Variants in UBAC2 observed in about 807,000 individuals in gnomAD.
The protein encoded by UBAC2 is UBA domain containing 2.
A neutral mutation model predicts 44.0 loss-of-function variants in UBAC2; 26 were observed. The observed-to-expected ratio is 0.59, with a 90% CI of 0.43 to 0.82. The LOEUF is 0.82. Ranked by LOEUF, UBAC2 falls within the 40% of genes least tolerant of loss-of-function variation. UBAC2 has a pLI of 0.00. For synonymous variants in UBAC2, 155 were observed against 154.3 expected (o/e 1.00, Z -0.04); for missense variants, 329 against 419.4 (o/e 0.78, Z 1.88).
At chr13:99,214,986 TG>T (rs1216051310) in intron 1 of UBAC2, among the ~76,000 whole-genome samples, 1 of 151,870 alleles carries the variant, frequency 6.6e-6, no homozygotes, top group East Asian at 1.9e-4. Flanking sequence ...CTTTTCTTTT[TG>T]TTTTTTTTTT....
At chr13:99,276,957 A>C (rs1383603886) in intron 4 of UBAC2, among the ~76,000 whole-genome samples, 5 of 152,174 alleles carry the variant, frequency 3.3e-5, no homozygotes, top group Non-Finnish European at 7.4e-5. Flanking sequence ...ACTTCTGGAA[A>C]GCCCTGGCCC....
intron 4 of UBAC2, among the ~76,000 whole-genome samples, chr13:99,251,040 A>T (rs2043452564): frequency 6.6e-6 from 1 of 152,162 alleles, no homozygotes; most frequent in Non-Finnish European, 1.5e-5. Context: ...GGCATGAGCC[A>T]CCAAGCCTGG....
At chr13:99,286,849 G>T (rs939118559) in intron 4 of UBAC2, among the ~76,000 whole-genome samples, 2 of 152,132 alleles carry the variant, frequency 1.3e-5, no homozygotes, top group Non-Finnish European at 2.9e-5. Context: ...GCCAGTGCGC[G>T]TCCCATTCTC....
At chr13:99,211,485 G>T (rs976101496) in intron 1 of UBAC2, among the ~76,000 whole-genome samples, 1 of 152,154 alleles carries the variant, frequency 6.6e-6, no homozygotes, top group Admixed American at 6.5e-5. Flanking sequence ...TTCAATCAAC[G>T]ACTAATAAGT....
chr13:99,238,687 C>T, intron 2 of UBAC2, 133 bp downstream of exon 2: 1 of 793,246 alleles, frequency 1.3e-6, no homozygotes, highest in Non-Finnish European at 1.7e-6. Context: ...ATTAATATTT[C>T]ATTAAGTAAC....
intron 6 of UBAC2, among the ~76,000 whole-genome samples, chr13:99,332,172 A>C (rs989511607): frequency 6.6e-6 from 1 of 152,150 alleles, no homozygotes; most frequent in Non-Finnish European, 1.5e-5. Context: ...GTTCAGCCAC[A>C]GTTGGCCAAA....
chr13:99,356,486 C>T (rs775386474), intron 7 of UBAC2, among the ~76,000 whole-genome samples: 6 of 152,234 alleles, frequency 3.9e-5, no homozygotes, highest in Non-Finnish European at 8.8e-5. Context: ...GCCTTCTGTT[C>T]TGCCTAGAAG....
At chr13:99,314,344 A>C in intron 5 of UBAC2, 124 bp downstream of exon 5, 1 of 1,132,916 alleles carries the variant, frequency 8.8e-7, no homozygotes, top group Non-Finnish European at 1.2e-6. Flanking sequence ...TCTTGGCTTC[A>C]TGATCTATAT....
chr13:99,253,370 G>C (rs1231171520), intron 4 of UBAC2, among the ~76,000 whole-genome samples: 1 of 151,994 alleles, frequency 6.6e-6, no homozygotes, highest in Admixed American at 6.6e-5. Context: ...TCAGACCTCA[G>C]TTTTTTATAT....
At chr13:99,290,639 C>A (rs2044077142) in intron 4 of UBAC2, among the ~76,000 whole-genome samples, 1 of 149,198 alleles carries the variant, frequency 6.7e-6, no homozygotes, top group Admixed American at 6.8e-5. Context: ...GCAGGTGAAT[C>A]ATTTAAACCC....
chr13:99,367,328 A>T (rs1311328569), intron 7 of UBAC2, among the ~76,000 whole-genome samples: 6 of 152,214 alleles, frequency 3.9e-5, no homozygotes, highest in African/African-American at 1.4e-4. Context: ...AAGGTAGAGC[A>T]GGGGAGCATT....
At chr13:99,223,520 TTGCTC>T (rs1396353032) in intron 1 of UBAC2, among the ~76,000 whole-genome samples, 1 of 149,094 alleles carries the variant, frequency 6.7e-6, no homozygotes, top group African/African-American at 2.5e-5. Context: ...AGGTTTTAAT[TTGCTC>T]TTCTTTCTCT....
chr13:99,329,824 A>C (rs1467783752), intron 6 of UBAC2, among the ~76,000 whole-genome samples: 1 of 152,218 alleles, frequency 6.6e-6, no homozygotes, highest in Non-Finnish European at 1.5e-5. Flanking sequence ...CTTGAGCCAT[A>C]ACCACTCAGC....
At chr13:99,216,834 CT>C (rs11338165) in intron 1 of UBAC2, among the ~76,000 whole-genome samples, 65,202 of 140,476 alleles carry the variant, frequency 0.46, 16,981 homozygotes, top group Non-Finnish European at 0.61. Flanking sequence ...TTTCTTTTTT[CT>C]TTTTTTTTTT....
chr13:99,234,755 AAACAC>A (rs1366514279), intron 1 of UBAC2, among the ~76,000 whole-genome samples: 3 of 152,170 alleles, frequency 2.0e-5, no homozygotes, highest in Non-Finnish European at 4.4e-5. Flanking sequence ...GAAGGCATGA[AAACAC>A]AAAGGTGGAA....
In UBAC2 at chr13:99,295,845, C is replaced by T. The variant is rs1470823243; in HGVS notation, c.390-18252C>T. Reference sequence around the variant, plus strand: ...AGCGCAGTTATCCTACACAAGGCATCTCCGATTCTCCAGTCAAAGCCCATT... The same window carrying T: ...AGCGCAGTTATCCTACACAAGGCATTTCCGATTCTCCAGTCAAAGCCCATT... On this transcript the variant is annotated intron_variant, in intron 4 of 8. Coordinates refer to ENST00000403766, the MANE Select transcript of UBAC2 (RefSeq NM_001144072.2). The surrounding 1 kb of genome is among the most constrained non-coding windows in gnomAD (Gnocchi z 4.1). The T allele has an allele frequency of 1.9e-6, 3 of 1,605,362 alleles. No individual in the cohort carries two copies. Among genetic ancestry groups the T allele is most frequent in the Non-Finnish European group, 1.7e-6 (2 of 1,174,464 alleles).
intron 4 of UBAC2, chr13:99,308,117 T>C (rs2044363047): frequency 1.3e-5 from 2 of 152,256 alleles, no homozygotes; most frequent in South Asian, 4.1e-4. Context: ...CCAACTAACG[T>C]GTCTGTCAGA....
chr13:99,385,184 G>C (rs1456670329), intron 8 of UBAC2, 44 bp from the exon 9 acceptor site: 1 of 1,415,816 alleles, frequency 7.1e-7, no homozygotes, highest in Non-Finnish European at 1.0e-6. Flanking sequence ...GGGATAAGCG[G>C]CAATGTCAGC....
chr13:99,216,112 G>GTT (rs1268952148), intron 1 of UBAC2, among the ~76,000 whole-genome samples: 1 of 144,650 alleles, frequency 6.9e-6, no homozygotes, highest in African/African-American at 2.5e-5. Context: ...GTGTGTGTGT[G>GTT]TATTTTTGAG....
Sources: allele counts gnomAD v4.1 joint callset (sites outside exome capture counted in the v4.1 genomes callset), GRCh38; gene constraint gnomAD v4.1.1; non-coding constraint Gnocchi (gnomAD v3.1); transcripts MANE v1.5; gene names NCBI Gene and HGNC (gene_info 2026-07-23, HGNC 2026-07-21).